Variants in RALGAPA1 observed in about 807,000 individuals in gnomAD.
RALGAPA1 encodes Ral GTPase activating protein catalytic subunit alpha 1, also known as ral GTPase-activating protein subunit alpha-1.
Under a neutral mutation model 269.6 loss-of-function variants are expected in RALGAPA1, and 52 were observed. The observed-to-expected ratio is 0.19, with a 90% CI of 0.15 to 0.24. The LOEUF is 0.24. Ranked by LOEUF, RALGAPA1 falls within the 10% of genes least tolerant of loss-of-function variation. The pLI is 1.00. For synonymous variants in RALGAPA1, 817 were observed against 1,008.3 expected, an observed-to-expected ratio of 0.81 and a Z score of 3.60; for missense variants, 1,917 against 3,013.9, an observed-to-expected ratio of 0.64 and a Z score of 8.52.
intron 13 of RALGAPA1, 38 bp downstream of exon 13, chr14:35,728,324 T>C (rs923709024): frequency 1.3e-6 from 2 of 1,488,570 alleles, no homozygotes; most frequent in African/African-American, 2.8e-5. Flanking sequence ...GTGTACACAA[T>C]AAAAACACAT....
At chr14:35,571,661 G>A (rs1347100166) in intron 38 of RALGAPA1, among the ~76,000 whole-genome samples, 1 of 152,036 alleles carries the variant, frequency 6.6e-6, no homozygotes, top group Non-Finnish European at 1.5e-5. Flanking sequence ...GTGACAGAGC[G>A]AGAGCCAGAC....
chr14:35,804,334 G>T (rs1352923124), intron 1 of RALGAPA1, among the ~76,000 whole-genome samples: 2 of 149,358 alleles, frequency 1.3e-5, no homozygotes, highest in African/African-American at 5.0e-5. Flanking sequence ...ACTTTGGAAG[G>T]CTGAGGCTTG....
At chr14:35,658,394 T>C (rs1566938754) in intron 28 of RALGAPA1, among the ~76,000 whole-genome samples, 2 of 152,158 alleles carry the variant, frequency 1.3e-5, no homozygotes, top group Non-Finnish European at 2.9e-5. Context: ...GAACTTTGGG[T>C]CAAAAAATGT....
intron 1 of RALGAPA1, among the ~76,000 whole-genome samples, chr14:35,792,799 GAAAGAGAAAGAAAGAAAGAGAAAGAA>G (rs1567241192): frequency 3.9e-4 from 40 of 103,260 alleles, no homozygotes; most frequent in African/African-American, 1.3e-3. Flanking sequence ...AAAAAAGAAA[GAAAGAGAAAGAAAGAAAGAGAAAGAA>G]AGAAAGAAAG....
chr14:35,541,329 G>C (rs2053976254), intron 41 of RALGAPA1, among the ~76,000 whole-genome samples: 1 of 152,028 alleles, frequency 6.6e-6, no homozygotes, highest in African/African-American at 2.4e-5. Flanking sequence ...GCAGGCGTGA[G>C]CCACCGCACC....
chr14:35,676,126 C>T (rs752464410), intron 22 of RALGAPA1: 1 of 152,132 alleles, frequency 6.6e-6, no homozygotes, highest in African/African-American at 2.4e-5. Flanking sequence ...ATAAATCAGC[C>T]GATTTGCCTC....
intron 31 of RALGAPA1, among the ~76,000 whole-genome samples, chr14:35,643,497 G>C (rs919452175): frequency 6.6e-6 from 1 of 152,034 alleles, no homozygotes; most frequent in Non-Finnish European, 1.5e-5. Flanking sequence ...AACTAACAAA[G>C]ATAACTACTA....
intron 1 of RALGAPA1, among the ~76,000 whole-genome samples, chr14:35,797,380 A>G (rs555593640): frequency 6.6e-6 from 1 of 151,860 alleles, no homozygotes; most frequent in Middle Eastern, 3.4e-3. Context: ...ATGCCAAAGT[A>G]AAGACTTTTT....
At chr14:35,595,603 T>C (rs765619543) in intron 37 of RALGAPA1, 31 bp downstream of exon 37, 9 of 1,582,536 alleles carry the variant, frequency 5.7e-6, no homozygotes, top group South Asian at 1.1e-5. Flanking sequence ...ATTATGAGCA[T>C]TTTAATTTGA....
At chr14:35,675,775 T>C (rs1005471766) in intron 22 of RALGAPA1, among the ~76,000 whole-genome samples, 9 of 152,056 alleles carry the variant, frequency 5.9e-5, no homozygotes, top group African/African-American at 2.2e-4. Context: ...AAAAAGACAA[T>C]AAAGATATCT....
chr14:35,606,765 A>AC (rs1318010892), intron 35 of RALGAPA1, among the ~76,000 whole-genome samples: 85 of 152,012 alleles, frequency 5.6e-4, no homozygotes, highest in African/African-American at 1.9e-3. Flanking sequence ...TTAAAAAAAA[A>AC]AAAAACCCTG....
intron 36 of RALGAPA1, among the ~76,000 whole-genome samples, chr14:35,599,659 G>A (rs537737842): frequency 6.6e-6 from 1 of 152,266 alleles, no homozygotes; most frequent in South Asian, 2.1e-4. Flanking sequence ...TGAGGCACAA[G>A]AATCACTTGA....
intron 37 of RALGAPA1, among the ~76,000 whole-genome samples, chr14:35,580,879 T>C (rs1337731084): frequency 6.6e-6 from 1 of 152,178 alleles, no homozygotes; most frequent in African/African-American, 2.4e-5. Flanking sequence ...TTAGAGGTAT[T>C]AAACTCCTTG....
intron 37 of RALGAPA1, among the ~76,000 whole-genome samples, chr14:35,575,902 A>AT (rs1349670137): frequency 3.9e-5 from 6 of 152,082 alleles, no homozygotes; most frequent in African/African-American, 7.2e-5. Flanking sequence ...CCCCCATTTC[A>AT]TTTTTAAAGA....
chr14:35,590,943 T>C (rs1441452854), intron 37 of RALGAPA1, among the ~76,000 whole-genome samples: 1 of 152,166 alleles, frequency 6.6e-6, no homozygotes, highest in Non-Finnish European at 1.5e-5. Flanking sequence ...ATAGAAACCC[T>C]GGGGCAAAAA....
intron 3 of RALGAPA1, among the ~76,000 whole-genome samples, chr14:35,773,930 A>T (rs1042144932): frequency 2.0e-5 from 3 of 151,920 alleles, no homozygotes; most frequent in Non-Finnish European, 4.4e-5. Context: ...TATTATTATT[A>T]TTTTTGAGAC....
chr14:35,778,654 T>A (rs2075223289), intron 1 of RALGAPA1, among the ~76,000 whole-genome samples: 1 of 152,192 alleles, frequency 6.6e-6, no homozygotes, highest in African/African-American at 2.4e-5. Flanking sequence ...TTCATTATAT[T>A]CAGTTCATAC....
rs1283636170 is a variant in RALGAPA1 at position 35,690,018 on chromosome 14, A to G, written c.2408-15T>C. On this transcript the variant is annotated splice_polypyrimidine_tract_variant and intron_variant, in intron 17 of 41. Coordinates refer to ENST00000680220, the MANE Select transcript of RALGAPA1 (RefSeq NM_001346249.2). Reference sequence around the variant, plus strand: ...ATCATCAATATCTGTAAAAGAAAAAAAAATTATGTAGAGAAGAACTACACA... The same window carrying G: ...ATCATCAATATCTGTAAAAGAAAAAGAAATTATGTAGAGAAGAACTACACA... 1 of 1,513,800 alleles carries G rather than the reference A, an allele frequency of 6.6e-7. No homozygotes were observed. The highest frequency in any genetic ancestry group is 8.9e-7 in the Non-Finnish European group (1 of 1,128,046). 93.8% of individuals were successfully genotyped at this position (1,513,800 alleles called of 1,614,324 possible).
At chr14:35,719,973 C>T (rs191765190) in intron 16 of RALGAPA1, among the ~76,000 whole-genome samples, 105 of 152,230 alleles carry the variant, frequency 6.9e-4, no homozygotes, top group Middle Eastern at 3.4e-3. Context: ...AGGCTGGTCT[C>T]GAACTCCTGA....
Sources: gnomAD v4.1 joint callset for allele counts (sites outside exome capture counted in the v4.1 genomes callset) on GRCh38, gnomAD v4.1.1 for gene constraint, MANE v1.5 for transcripts, NCBI Gene and HGNC (gene_info 2026-07-23, HGNC 2026-07-21) for gene names.